GRIA3: variants seen among roughly 807,000 people sequenced by gnomAD.
The protein encoded by GRIA3 is glutamate ionotropic receptor AMPA type subunit 3, also known as glutamate receptor 3.
GRIA3 carries 3 observed loss-of-function variants against 63.0 expected under a neutral mutation model. The observed-to-expected ratio is 0.05, with a 90% confidence interval of 0.02 to 0.12. The LOEUF is 0.12. Among genes scored for constraint, GRIA3 ranks in the 10% least tolerant of loss-of-function variants. GRIA3 has a pLI of 1.00. For missense variants in GRIA3, 347 were observed against 700.9 expected (o/e 0.50, Z 5.70); for synonymous variants, 274 against 257.9 (o/e 1.06, Z -0.60).
At chrX:123,259,237 G>A (rs765435169) in intron 3 of GRIA3, among the ~76,000 whole-genome samples, 6 of 111,220 alleles carry the variant, frequency 5.4e-5, no homozygotes, top group Non-Finnish European at 1.1e-4. Flanking sequence ...TGTCCTCAGA[G>A]GATTATGAAT....
At chrX:123,290,586 CTG>C (rs761564682) in intron 3 of GRIA3, among the ~76,000 whole-genome samples, 3,658 of 89,964 alleles carry the variant, frequency 0.041, 88 homozygotes, top group African/African-American at 0.075. Flanking sequence ...CCTCAAAGGA[CTG>C]TGTGTGTGTG....
At chrX:123,301,076 C>T (rs1391338014) in intron 3 of GRIA3, among the ~76,000 whole-genome samples, 1 of 111,115 alleles carries the variant, frequency 9.0e-6, no homozygotes, top group African/African-American at 3.3e-5. Context: ...CTGAGAAGTG[C>T]TTTACTTCTG....
At chrX:123,269,451 T>C (rs889065232) in intron 3 of GRIA3, among the ~76,000 whole-genome samples, 2 of 112,106 alleles carry the variant, frequency 1.8e-5, no homozygotes, top group African/African-American at 6.5e-5. Context: ...AGAACGAAGA[T>C]CTTTAGCTGC....
chrX:123,456,862 C>T (rs963371879), intron 12 of GRIA3, among the ~76,000 whole-genome samples: 9 of 111,533 alleles, frequency 8.1e-5, no homozygotes, highest in Non-Finnish European at 1.1e-4. Context: ...GTAAGTGTTC[C>T]GTTCAGGCAG....
In GRIA3 at chrX:123,427,986, C is replaced by T. The variant is rs758890756; in HGVS notation, c.1923C>T (p.Thr641=). The T allele has an allele frequency of 2.5e-6, 3 of 1,203,095 alleles. No homozygotes were observed. Among genetic ancestry groups the T allele is most frequent in the East Asian group, 3.0e-5 (1 of 33,766 alleles). ...RIVGGVWWFF[T]LIIISSYTAN... is the part of the protein sequence containing the mutation. Reference sequence around the variant, plus strand: ...TTGGAGGGGTTTGGTGGTTCTTCACCCTGATCATAATTTCTTCCTATACTG... The same window carrying T: ...TTGGAGGGGTTTGGTGGTTCTTCACTCTGATCATAATTTCTTCCTATACTG... The change falls in exon 12 of 16, where the codon ACC becomes ACT. Residue 641 remains threonine (T), a synonymous_variant. Coordinates refer to ENST00000620443, the MANE Select transcript of GRIA3 (RefSeq NM_007325.5).
chrX:123,186,756 T>C (rs1927288669), intron 2 of GRIA3, among the ~76,000 whole-genome samples: 1 of 111,473 alleles, frequency 9.0e-6, no homozygotes, highest in Non-Finnish European at 1.9e-5. Context: ...CAGTTCTTAA[T>C]TTAGAGCAAA....
intron 7 of GRIA3, among the ~76,000 whole-genome samples, chrX:123,401,127 G>A (rs544400098): frequency 8.1e-5 from 9 of 111,633 alleles, no homozygotes; most frequent in African/African-American, 2.9e-4. Flanking sequence ...GATCCCAGAC[G>A]GGATGCGGGG....
At chrX:123,224,772 A>C (rs1603034642) in intron 2 of GRIA3, among the ~76,000 whole-genome samples, 1 of 112,210 alleles carries the variant, frequency 8.9e-6, no homozygotes, top group Non-Finnish European at 1.9e-5. Context: ...GCAGTTAAAT[A>C]TTTAAATTTT....
chrX:123,284,948 A>T (rs1011432915), intron 3 of GRIA3, among the ~76,000 whole-genome samples: 2 of 111,102 alleles, frequency 1.8e-5, no homozygotes, highest in Non-Finnish European at 3.8e-5. Flanking sequence ...ACACATAATC[A>T]TCAGATTCAC....
chrX:123,449,288 G>A (rs1285560100), intron 12 of GRIA3, among the ~76,000 whole-genome samples: 3 of 112,216 alleles, frequency 2.7e-5, no homozygotes, highest in Non-Finnish European at 5.6e-5. Flanking sequence ...GTTTGCATAT[G>A]GCTATCAGAT....
chrX:123,407,056 G>T lies in GRIA3; in HGVS notation c.1500+2142G>T, dbSNP rs758330594. On this transcript the variant is annotated intron_variant, in intron 10 of 15. Coordinates refer to ENST00000620443, the MANE Select transcript of GRIA3 (RefSeq NM_007325.5). Reference sequence around the variant, plus strand: ...GAATCAATGCCTGGCATACAGTAATGCCTAAGCCAGTATTCATTAAATTGA... The same window carrying T: ...GAATCAATGCCTGGCATACAGTAATTCCTAAGCCAGTATTCATTAAATTGA... Among the ~76,000 whole-genome samples, 4 of 111,460 alleles carry T rather than the reference G, an allele frequency of 3.6e-5. No individual in the cohort carries two copies. In the South Asian group the frequency reaches 1.5e-3, roughly 42 times the overall value.
intron 3 of GRIA3, among the ~76,000 whole-genome samples, chrX:123,259,617 A>AT (rs2044439826): frequency 8.9e-6 from 1 of 111,935 alleles, no homozygotes; most frequent in Non-Finnish European, 1.9e-5. Context: ...GCCATTTCTT[A>AT]AGCACTTATT....
chrX:123,284,396 G>A (rs1603068316), intron 3 of GRIA3, among the ~76,000 whole-genome samples: 1 of 111,615 alleles, frequency 9.0e-6, no homozygotes, highest in East Asian at 2.9e-4. Context: ...GACTGAGAAT[G>A]AGTTTGAGGA....
At chrX:123,334,641 A>T (rs971404146) in intron 4 of GRIA3, among the ~76,000 whole-genome samples, 4 of 111,597 alleles carry the variant, frequency 3.6e-5, no homozygotes, top group Non-Finnish European at 7.5e-5. Flanking sequence ...TTTTATTTTT[A>T]AAATAAACAC....
intron 2 of GRIA3, among the ~76,000 whole-genome samples, chrX:123,195,423 G>A (rs1415867605): frequency 1.8e-5 from 2 of 111,963 alleles, no homozygotes; most frequent in African/African-American, 6.5e-5. Context: ...GCCAGGATTC[G>A]ACCTGAGATC....
intron 2 of GRIA3, among the ~76,000 whole-genome samples, chrX:123,222,387 T>C: frequency 8.9e-6 from 1 of 112,347 alleles, no homozygotes; most frequent in East Asian, 2.8e-4. Flanking sequence ...TCAGAGATTA[T>C]AATGCAAAAA....
intron 3 of GRIA3, among the ~76,000 whole-genome samples, chrX:123,289,103 C>G (rs1159557301): frequency 1.8e-5 from 2 of 111,268 alleles, no homozygotes; most frequent in Non-Finnish European, 3.8e-5. Context: ...AAAAGAATGA[C>G]TTCATGTCCT....
chrX:123,324,547 G>A (rs756510533), intron 3 of GRIA3, among the ~76,000 whole-genome samples: 3 of 111,812 alleles, frequency 2.7e-5, no homozygotes, highest in Admixed American at 1.9e-4. Context: ...CTGAAGCAGA[G>A]AGCACATCAA....
chrX:123,392,249 A>T (rs779616118), intron 5 of GRIA3, among the ~76,000 whole-genome samples: 1 of 111,898 alleles, frequency 8.9e-6, no homozygotes, highest in African/African-American at 3.2e-5. Flanking sequence ...ACTAGGAGTG[A>T]CAGGGTCACT....
Sources: gnomAD v4.1 joint callset for allele counts (sites outside exome capture counted in the v4.1 genomes callset) on GRCh38, gnomAD v4.1.1 for gene constraint, MANE v1.5 for transcripts, NCBI Gene and HGNC (gene_info 2026-07-23, HGNC 2026-07-21) for gene names.